The following COX10 variants were observed in gnomAD, a reference collection of about 807,000 sequenced individuals.
COX10 encodes the protein cytochrome c oxidase assembly factor heme A:farnesyltransferase COX10, also known as protoheme IX farnesyltransferase, mitochondrial.
COX10 carries 27 observed loss-of-function variants against 37.3 expected under a neutral mutation model. The observed-to-expected ratio is 0.72, with a 90% CI of 0.53 to 1.00. The LOEUF (loss-of-function observed/expected upper bound fraction) is 1.00. COX10 is among the 50% of genes least tolerant of loss of function. The probability of loss-of-function intolerance (pLI) is 0.00; values close to 1 mark genes in which losing one functional copy is unlikely to be tolerated. For missense variants in COX10, 475 were observed against 563.2 expected (o/e 0.84, Z 1.59); for synonymous variants, 222 against 229.1 (o/e 0.97, Z 0.28).
intron 4 of COX10, among the ~76,000 whole-genome samples, chr17:14,118,958 C>CA (rs1916171993): frequency 6.6e-6 from 1 of 151,226 alleles, no homozygotes; most frequent in Non-Finnish European, 1.5e-5. Flanking sequence ...AAATGCTTTT[C>CA]AAAACTTGCT....
intron 3 of COX10, among the ~76,000 whole-genome samples, chr17:14,079,429 A>C (rs964733721): frequency 6.6e-6 from 1 of 152,214 alleles, no homozygotes; most frequent in African/African-American, 2.4e-5. Context: ...GCACATTCAA[A>C]AAGCTGCACT....
chr17:14,127,737 T>C, intron 4 of COX10, among the ~76,000 whole-genome samples: 1 of 152,288 alleles, frequency 6.6e-6, no homozygotes, highest in East Asian at 1.9e-4. Context: ...ATTTAAAAAT[T>C]AAAAGTAATA....
chr17:14,119,017 C>T (rs1326125755), intron 4 of COX10, among the ~76,000 whole-genome samples: 1 of 151,854 alleles, frequency 6.6e-6, no homozygotes, highest in East Asian at 1.9e-4. Flanking sequence ...CTTTTCATCA[C>T]CTCTCAGTAT....
At chr17:14,203,774 T>C (rs1906615519) in intron 6 of COX10, among the ~76,000 whole-genome samples, 1 of 152,204 alleles carries the variant, frequency 6.6e-6, no homozygotes, top group South Asian at 2.1e-4. Context: ...TGCCTAGCAG[T>C]AGCCCCCAGC....
chr17:14,122,303 G>T (rs1916246932), intron 4 of COX10, among the ~76,000 whole-genome samples: 1 of 152,124 alleles, frequency 6.6e-6, no homozygotes. Flanking sequence ...ACCACTTTGT[G>T]ATCAGGGTCC....
At chr17:14,151,779 C>G (rs1443905463) in intron 4 of COX10, among the ~76,000 whole-genome samples, 1 of 152,154 alleles carries the variant, frequency 6.6e-6, no homozygotes, top group Non-Finnish European at 1.5e-5. Context: ...TGTGAATGTT[C>G]AGGCAGAACC....
At chr17:14,187,301 G>C (rs1906063390) in intron 5 of COX10, among the ~76,000 whole-genome samples, 1 of 152,042 alleles carries the variant, frequency 6.6e-6, no homozygotes. Flanking sequence ...ATCCCAACAT[G>C]CTTTTTGATT....
chr17:14,092,746 A>G lies in COX10; in HGVS notation c.500-9372A>G, dbSNP rs548817101. Among the ~76,000 whole-genome samples the G allele has an allele frequency of 4.6e-5, 7 of 152,262 alleles. No homozygotes were observed. In the East Asian group the frequency reaches 1.3e-3, roughly 29 times the overall value. On this transcript the variant is annotated intron_variant, in intron 3 of 6. Coordinates refer to ENST00000261643, the MANE Select transcript of COX10 (RefSeq NM_001303.4). Reference sequence around the variant, plus strand: ...ACTATTTGAAGCTTAAGGTGCTAATAAAAAAGAGATGAAAATCATTAAGTA... The same window carrying G: ...ACTATTTGAAGCTTAAGGTGCTAATGAAAAAGAGATGAAAATCATTAAGTA...
At chr17:14,161,744 A>G (rs1317880066) in intron 5 of COX10, among the ~76,000 whole-genome samples, 1 of 151,916 alleles carries the variant, frequency 6.6e-6, no homozygotes, top group Non-Finnish European at 1.5e-5. Context: ...TGGCCTTTGG[A>G]CTCCAGGACA....
chr17:14,184,997 G>A (rs540820019), intron 5 of COX10, among the ~76,000 whole-genome samples: 221 of 148,056 alleles, frequency 1.5e-3, no homozygotes, highest in African/African-American at 5.0e-3. Flanking sequence ...CTTTCCTAAG[G>A]TAACTGAGCC....
chr17:14,171,465 C>A (rs1457318387), intron 5 of COX10, among the ~76,000 whole-genome samples: 2 of 151,330 alleles, frequency 1.3e-5, no homozygotes, highest in East Asian at 3.9e-4. Flanking sequence ...TCATGAAGCA[C>A]CTCATATGTG....
chr17:14,105,354 AT>A (rs1043513345), intron 4 of COX10, among the ~76,000 whole-genome samples: 3 of 152,150 alleles, frequency 2.0e-5, no homozygotes, highest in African/African-American at 7.2e-5. Flanking sequence ...ATCTCTAATT[AT>A]TTTTAAAGGA....
intron 3 of COX10, among the ~76,000 whole-genome samples, chr17:14,094,881 G>C (rs1052230252): frequency 6.6e-6 from 1 of 152,204 alleles, no homozygotes; most frequent in South Asian, 2.1e-4. Flanking sequence ...GTCTGTAGAA[G>C]GTGCCCTTGG....
rs115145577 is a variant in COX10, at chr17:14,119,456, G to T, written c.624+17214G>T. Among the ~76,000 whole-genome samples the T allele has an allele frequency of 8.9e-3, 1,350 of 152,186 alleles. 13 individuals are homozygous for T. The highest frequency in any genetic ancestry group is 0.031 in the African/African-American group (1,304 of 41,522). Reference sequence around the variant, plus strand: ...GCAAAAAAAACCTGCCACGATCTTTGCTCTCAGTGGACCTATTGCCTAGTG... The same window carrying T: ...GCAAAAAAAACCTGCCACGATCTTTTCTCTCAGTGGACCTATTGCCTAGTG... On this transcript the variant is annotated intron_variant, in intron 4 of 6. Coordinates refer to ENST00000261643, the MANE Select transcript of COX10 (RefSeq NM_001303.4).
chr17:14,151,299 T>G (rs1276563163), intron 4 of COX10, among the ~76,000 whole-genome samples: 1 of 152,076 alleles, frequency 6.6e-6, no homozygotes, highest in East Asian at 1.9e-4. Context: ...TGCTGGGCCC[T>G]CACTGAAATG....
At chr17:14,170,987 TATA>T (rs1357480842) in intron 5 of COX10, among the ~76,000 whole-genome samples, 7 of 152,146 alleles carry the variant, frequency 4.6e-5, no homozygotes, top group Admixed American at 4.6e-4. Flanking sequence ...TGCTTGAAAA[TATA>T]ATACTTGTCA....
chr17:14,139,119 G>A (rs2052629068), intron 4 of COX10, among the ~76,000 whole-genome samples: 1 of 152,178 alleles, frequency 6.6e-6, no homozygotes, highest in Non-Finnish European at 1.5e-5. Context: ...GTAATAGTAA[G>A]CCCTTAGTAA....
chr17:14,097,538 C>T (rs946610179), intron 3 of COX10, among the ~76,000 whole-genome samples: 3 of 152,052 alleles, frequency 2.0e-5, no homozygotes, highest in Non-Finnish European at 2.9e-5. Context: ...CTCAATTTAT[C>T]AGTAGATTCA....
chr17:14,206,746 A>C, intron 6 of COX10, 64 bp from the exon 7 acceptor site: 1 of 1,604,276 alleles, frequency 6.2e-7, no homozygotes, highest in East Asian at 2.2e-5. Context: ...AGAGGAAACC[A>C]TTCTTTGGAA....
Sources: allele counts gnomAD v4.1 joint callset (sites outside exome capture counted in the v4.1 genomes callset), GRCh38; gene constraint gnomAD v4.1.1; transcripts MANE v1.5; gene names NCBI Gene and HGNC (gene_info 2026-07-23, HGNC 2026-07-21).